The following FGF12 variants were observed in gnomAD, a reference collection of about 807,000 sequenced individuals.
FGF12 encodes fibroblast growth factor 12.
Under a neutral mutation model 23.6 loss-of-function variants are expected in FGF12, and 14 were observed. The ratio of observed to expected loss-of-function variants is 0.59; its 90% CI spans 0.39 to 0.93. The LOEUF is 0.93. Ranked by LOEUF, FGF12 falls within the 40% of genes least tolerant of loss-of-function variation. FGF12 has a pLI of 0.00. For missense variants in FGF12, 175 were observed against 217.8 expected, an observed-to-expected ratio of 0.80 and a Z score of 1.24; for synonymous variants, 62 against 77.3, an observed-to-expected ratio of 0.80 and a Z score of 1.04.
At chr3:192,517,801 TCTTACA>T (rs946313773) in intron 2 of FGF12, among the ~76,000 whole-genome samples, 1 of 152,218 alleles carries the variant, frequency 6.6e-6, no homozygotes, top group Non-Finnish European at 1.5e-5. Flanking sequence ...TAAAAAAGGC[TCTTACA>T]CTTATCAGGA....
intron 2 of FGF12, among the ~76,000 whole-genome samples, chr3:192,620,008 C>T (rs911104547): frequency 3.9e-5 from 6 of 151,974 alleles, no homozygotes; most frequent in African/African-American, 7.3e-5. Flanking sequence ...TGTTTCAGAC[C>T]GGGATACCCT....
Position 192,408,584 on chromosome 3 carries a change from C to T in FGF12, c.14-48046G>A. 9.2e-7 allele frequency: 1 copy of T among 1,081,668 alleles called. No individual in the cohort carries two copies. Among genetic ancestry groups the T allele is most frequent in the Non-Finnish European group, 1.1e-6 (1 of 891,150 alleles). 67.0% of individuals were successfully genotyped at this position (1,081,668 alleles called of 1,614,324 possible). On this transcript the variant is annotated intron_variant, in intron 2 of 5. Transcript: ENST00000445105. This position sits in a 1 kb window ranked among gnomAD's most constrained non-coding sequence, Gnocchi z 7.3. Reference sequence around the variant, plus strand: ...GTTTAGTCACACTGCGTTCGGGGTACCAAGTGGAAGGGGAAGAACGATGCC... The same window carrying T: ...GTTTAGTCACACTGCGTTCGGGGTATCAAGTGGAAGGGGAAGAACGATGCC...
At chr3:192,329,881 A>T (rs1717017383) in intron 4 of FGF12, among the ~76,000 whole-genome samples, 1 of 152,186 alleles carries the variant, frequency 6.6e-6, no homozygotes, top group Non-Finnish European at 1.5e-5. Flanking sequence ...AACTATCGAA[A>T]AAGGTGTTTC....
chr3:192,266,122 T>C (rs1713064210), intron 4 of FGF12, among the ~76,000 whole-genome samples: 1 of 152,178 alleles, frequency 6.6e-6, no homozygotes. Flanking sequence ...CAAAACAAAA[T>C]ACTGTATTTT....
chr3:192,200,138 G>A (rs561045538), intron 4 of FGF12, among the ~76,000 whole-genome samples: 85 of 149,290 alleles, frequency 5.7e-4, no homozygotes, highest in African/African-American at 1.8e-3. Context: ...GCAACATGGT[G>A]AAATCCCATC....
chr3:192,599,269 A>AATAATTATAATT (rs1553837300), intron 2 of FGF12, among the ~76,000 whole-genome samples: 2 of 148,078 alleles, frequency 1.4e-5, no homozygotes, highest in Non-Finnish European at 3.0e-5. Context: ...TAATAATAAT[A>AATAATTATAATT]ATAATAATAA....
chr3:192,549,644 A>T (rs965178141), intron 2 of FGF12, among the ~76,000 whole-genome samples: 3 of 152,178 alleles, frequency 2.0e-5, no homozygotes, highest in African/African-American at 7.2e-5. Flanking sequence ...TCACATTTGA[A>T]TCAGTAGATA....
chr3:192,237,215 G>A (rs754491867), intron 4 of FGF12, among the ~76,000 whole-genome samples: 3 of 152,054 alleles, frequency 2.0e-5, no homozygotes, highest in Non-Finnish European at 4.4e-5. Flanking sequence ...ATAGCCTGGC[G>A]GAGTTCCCTT....
chr3:192,344,393 T>C (rs566401870), intron 3 of FGF12, among the ~76,000 whole-genome samples: 2 of 152,334 alleles, frequency 1.3e-5, no homozygotes, highest in African/African-American at 4.8e-5. Flanking sequence ...CATCTTCTAT[T>C]ATTGAAGTTC....
intron 2 of FGF12, among the ~76,000 whole-genome samples, chr3:192,640,122 G>C (rs1577093112): frequency 6.6e-6 from 1 of 152,192 alleles, no homozygotes; most frequent in Non-Finnish European, 1.5e-5. Flanking sequence ...TGAGGTAGCA[G>C]ATCTGGAGGA....
intron 4 of FGF12, among the ~76,000 whole-genome samples, chr3:192,253,480 G>T (rs1052142552): frequency 3.3e-5 from 5 of 152,048 alleles, no homozygotes; most frequent in African/African-American, 1.2e-4. Flanking sequence ...AATGGAAAGA[G>T]AAAAGAAATT....
chr3:192,339,259 T>C (rs1247947407), intron 3 of FGF12, among the ~76,000 whole-genome samples: 3 of 152,156 alleles, frequency 2.0e-5, no homozygotes, highest in Non-Finnish European at 4.4e-5. Flanking sequence ...ATCTATTAAT[T>C]ATCTTCAGAG....
At chr3:192,562,253 A>T (rs1006192473) in intron 2 of FGF12, among the ~76,000 whole-genome samples, 1 of 152,200 alleles carries the variant, frequency 6.6e-6, no homozygotes, top group African/African-American at 2.4e-5. Context: ...GAAGAGACTG[A>T]CTGGAAGGGA....
intron 2 of FGF12, among the ~76,000 whole-genome samples, chr3:192,695,618 G>C (rs1185329869): frequency 2.6e-5 from 4 of 152,120 alleles, no homozygotes. Flanking sequence ...AGATCAGTGA[G>C]CTTTACTTAC....
At chr3:192,280,445 A>G (rs1714075549) in intron 4 of FGF12, among the ~76,000 whole-genome samples, 1 of 152,074 alleles carries the variant, frequency 6.6e-6, no homozygotes, top group Admixed American at 6.6e-5. Flanking sequence ...AATATTTTTC[A>G]TAACTTCATT....
Position 192,336,209 on chromosome 3 carries a change from T to C in FGF12, c.125-745A>G, listed in dbSNP as rs1410512193. ...ATATATATATGCACACACACACACA[T>C]ATACTCAAAACCATTAAGAATTAAT... is the stretch of plus-strand genomic sequence containing the variant. On this transcript the variant is annotated intron_variant, in intron 3 of 5. Coordinates refer to ENST00000445105, the MANE Select transcript of FGF12 (RefSeq NM_004113.6). This position sits in a 1 kb window ranked among gnomAD's most constrained non-coding sequence, Gnocchi z 4.3. Among the ~76,000 whole-genome samples, 1 of 151,190 alleles carries C rather than the reference T, an allele frequency of 6.6e-6. No homozygotes were observed. The highest frequency in any genetic ancestry group is 1.5e-5 in the Non-Finnish European group (1 of 67,774).
rs776578928 is a variant in FGF12 at position 192,360,086 on chromosome 3, C to T, written c.124+342G>A. ...CTATAACTTGTTCATCACTTGGTTC[C>T]GGGATTTAAATACCATCTTGTGTTG... On this transcript the variant is annotated intron_variant, in intron 3 of 5. Coordinates refer to ENST00000445105, the MANE Select transcript of FGF12 (RefSeq NM_004113.6). The surrounding 1 kb of genome is among the most constrained non-coding windows in gnomAD (Gnocchi z 4.3). 8.6e-5 allele frequency among the ~76,000 whole-genome samples: 13 copies of T among 151,878 alleles called. No homozygotes were observed. The highest frequency in any genetic ancestry group is 1.0e-4 in the Non-Finnish European group (7 of 68,002).
chr3:192,458,444 AGT>A (rs878995476), intron 2 of FGF12, among the ~76,000 whole-genome samples: 1 of 152,358 alleles, frequency 6.6e-6, no homozygotes, highest in Middle Eastern at 3.4e-3. Flanking sequence ...CTCTTGCATC[AGT>A]GTGACCTGGA....
chr3:192,341,979 A>G (rs886226297), intron 3 of FGF12, among the ~76,000 whole-genome samples: 1 of 150,856 alleles, frequency 6.6e-6, no homozygotes, highest in African/African-American at 2.4e-5. Flanking sequence ...ATTTGTTAGG[A>G]CTTACTGTAT....
Sources: allele counts gnomAD v4.1 joint callset (sites outside exome capture counted in the v4.1 genomes callset), GRCh38; gene constraint gnomAD v4.1.1; non-coding constraint Gnocchi (gnomAD v3.1); transcripts MANE v1.5; gene names NCBI Gene and HGNC (gene_info 2026-07-23, HGNC 2026-07-21).